The following ADAMTSL1 variants were observed in gnomAD, a reference collection of about 807,000 sequenced individuals.
The protein encoded by ADAMTSL1 is ADAMTS-like protein 1.
In ADAMTSL1, 126 loss-of-function variants were observed where a neutral mutation model predicts 201.8. The observed-to-expected ratio is 0.62, with a 90% CI of 0.54 to 0.72. The LOEUF (loss-of-function observed/expected upper bound fraction) is 0.72, where lower values mean the gene tolerates loss of function less well. Ranked by LOEUF, ADAMTSL1 falls within the 30% of genes least tolerant of loss-of-function variation. The probability of loss-of-function intolerance (pLI) is 0.00; values close to 1 mark genes in which losing one functional copy is unlikely to be tolerated. For missense variants in ADAMTSL1, 2,679 were observed against 2,277.8 expected, an observed-to-expected ratio of 1.18 and a Z score of -3.59; for synonymous variants, 1,121 against 903.4, an observed-to-expected ratio of 1.24 and a Z score of -4.32.
At chr9:18,317,215 T>C (rs1834436500) in intron 2 of ADAMTSL1, among the ~76,000 whole-genome samples, 1 of 151,886 alleles carries the variant, frequency 6.6e-6, no homozygotes. Context: ...AGTAAAACAG[T>C]GATTACCAGG....
chr9:17,931,374 T>G (rs964616793), intron 1 of ADAMTSL1, among the ~76,000 whole-genome samples: 2 of 152,118 alleles, frequency 1.3e-5, no homozygotes, highest in Non-Finnish European at 2.9e-5. Context: ...CTATTTCAAT[T>G]GTATTGAGGA....
chr9:18,856,664 G>A (rs1254989057), intron 23 of ADAMTSL1, among the ~76,000 whole-genome samples: 1 of 151,936 alleles, frequency 6.6e-6, no homozygotes, highest in Non-Finnish European at 1.5e-5. Flanking sequence ...CATCGTGTTG[G>A]CCAAGCTGGT....
intron 26 of ADAMTSL1, among the ~76,000 whole-genome samples, chr9:18,896,122 TGA>T (rs1489533716): frequency 6.6e-6 from 1 of 152,188 alleles, no homozygotes; most frequent in Non-Finnish European, 1.5e-5. Flanking sequence ...ATATACATTT[TGA>T]GAGTCTCAGA....
chr9:18,317,127 T>C (rs1380239955), intron 2 of ADAMTSL1, among the ~76,000 whole-genome samples: 5 of 152,078 alleles, frequency 3.3e-5, no homozygotes, highest in African/African-American at 2.4e-5. Context: ...AAACTAAATA[T>C]AGAAAGGCAA....
At chr9:18,576,329 T>G (rs1408737743) in intron 4 of ADAMTSL1, among the ~76,000 whole-genome samples, 1 of 152,116 alleles carries the variant, frequency 6.6e-6, no homozygotes, top group Admixed American at 6.6e-5. Context: ...AGCTATGCAG[T>G]AAGAATAGGG....
intron 2 of ADAMTSL1, among the ~76,000 whole-genome samples, chr9:18,319,208 A>G (rs1834527017): frequency 6.6e-6 from 1 of 152,202 alleles, no homozygotes; most frequent in African/African-American, 2.4e-5. Flanking sequence ...CTCTATTTAA[A>G]AAAAAGAAAA....
chr9:18,048,166 T>C (rs547511973), intron 1 of ADAMTSL1, among the ~76,000 whole-genome samples: 60 of 152,354 alleles, frequency 3.9e-4, no homozygotes, highest in African/African-American at 1.4e-3. Context: ...TGGTATGTAC[T>C]AGGTTATTAT....
chr9:18,121,821 A>G (rs12004526), intron 1 of ADAMTSL1, among the ~76,000 whole-genome samples: 1,715 of 152,260 alleles, frequency 0.011, 25 homozygotes, highest in African/African-American at 0.04. Flanking sequence ...CATTTCTGCT[A>G]CTTGTATACT....
At chr9:18,136,555 T>A (rs1250156540) in intron 1 of ADAMTSL1, among the ~76,000 whole-genome samples, 1 of 151,996 alleles carries the variant, frequency 6.6e-6, no homozygotes. Context: ...CACACCGCTA[T>A]GGCACAGGAG....
chr9:17,954,763 A>G (rs891448960), intron 1 of ADAMTSL1, among the ~76,000 whole-genome samples: 22 of 152,202 alleles, frequency 1.4e-4, no homozygotes, highest in Non-Finnish European at 4.4e-5. Context: ...AGTTCTAGAA[A>G]GGGGAAAAAA....
chr9:18,281,028 T>C (rs984878676), intron 2 of ADAMTSL1, among the ~76,000 whole-genome samples: 14 of 152,052 alleles, frequency 9.2e-5, no homozygotes, highest in Admixed American at 9.2e-4. Flanking sequence ...GGTGTGCACT[T>C]CTACGCCTGA....
At chr9:18,304,975 C>T (rs1469566608) in intron 2 of ADAMTSL1, among the ~76,000 whole-genome samples, 3 of 152,146 alleles carry the variant, frequency 2.0e-5, no homozygotes, top group African/African-American at 2.4e-5. Flanking sequence ...ACACAGAAGG[C>T]AGGTGATTTC....
chr9:18,867,141 T>A (rs972179059), intron 23 of ADAMTSL1, among the ~76,000 whole-genome samples: 1 of 152,176 alleles, frequency 6.6e-6, no homozygotes, highest in African/African-American at 2.4e-5. Context: ...AGGACAGATA[T>A]GAAGGGACTA....
chr9:17,939,766 T>G (rs1827160164), intron 1 of ADAMTSL1, among the ~76,000 whole-genome samples: 1 of 152,290 alleles, frequency 6.6e-6, no homozygotes, highest in South Asian at 2.1e-4. Flanking sequence ...GAATCATATG[T>G]GACCCTGTTC....
rs72684957 is a variant in ADAMTSL1, at chr9:18,246,176, T to C, written c.207+82195T>C. ...GCCATCTGGTGTATATTTAGAGTAA[T>C]GTAATTTCTTCTCTTGCTTGGTGAT... On this transcript the variant is annotated intron_variant, in intron 2 of 29. Transcript: ENST00000680146. 5.5e-3 allele frequency among the ~76,000 whole-genome samples: 845 copies of C among 152,314 alleles called. 5 individuals are homozygous for C. Among genetic ancestry groups the C allele is most frequent in the Admixed American group, 9.6e-3 (147 of 15,288 alleles).
At chr9:18,060,284 T>C (rs1473216951) in intron 1 of ADAMTSL1, among the ~76,000 whole-genome samples, 1 of 152,244 alleles carries the variant, frequency 6.6e-6, no homozygotes, top group Non-Finnish European at 1.5e-5. Flanking sequence ...ATATTTGTTT[T>C]TACAGTGACT....
rs375714859 is a variant in ADAMTSL1 at position 18,753,415 on chromosome 9, T to G, written c.2124T>G (p.Ala708=). The part of the protein sequence containing the change: ...SREMNETVIL[A]DELCRQPKPS... ...AGATGAATGAAACAGTCATCCTGGC[T>G]GATGAGCTGTGTCGCCAGCCCAAGC... Residue 708 remains alanine (A), a synonymous_variant, in exon 16 of 29, where the codon GCT becomes GCG. Coordinates refer to ENST00000380548, the MANE Select transcript of ADAMTSL1 (RefSeq NM_001040272.6). 1.2e-6 allele frequency: 2 copies of G among 1,613,322 alleles called. No individual in the cohort carries two copies. Among genetic ancestry groups the G allele is most frequent in the Non-Finnish European group, 8.5e-7 (1 of 1,179,692 alleles).
chr9:18,436,022 G>A (rs556270560), intron 2 of ADAMTSL1, among the ~76,000 whole-genome samples: 6 of 152,258 alleles, frequency 3.9e-5, no homozygotes, highest in South Asian at 2.1e-4. Context: ...GTAGGTAAAC[G>A]TGTTTAAACA....
At chr9:18,457,311 T>C (rs1418143378) in intron 2 of ADAMTSL1, among the ~76,000 whole-genome samples, 1 of 152,034 alleles carries the variant, frequency 6.6e-6, no homozygotes, top group Non-Finnish European at 1.5e-5. Flanking sequence ...TTTATAGACA[T>C]ATATTAAGGA....
Sources: allele counts gnomAD v4.1 joint callset (sites outside exome capture counted in the v4.1 genomes callset), GRCh38; gene constraint gnomAD v4.1.1; transcripts MANE v1.5; gene names NCBI Gene and HGNC (gene_info 2026-07-23, HGNC 2026-07-21).